The following MED13L variants were observed in gnomAD, a reference collection of about 807,000 sequenced individuals.
The protein encoded by MED13L is mediator complex subunit 13L.
MED13L carries 7 observed loss-of-function variants against 220.9 expected under a neutral mutation model. The ratio of observed to expected loss-of-function variants is 0.03; its 90% confidence interval spans 0.02 to 0.06. The LOEUF is 0.06. Ranked by LOEUF, MED13L falls within the 10% of genes least tolerant of loss-of-function variation. MED13L has a pLI of 1.00. For synonymous variants in MED13L, 1,011 were observed against 1,015.2 expected (o/e 1.00, Z 0.08); for missense variants, 1,965 against 2,760.5 (o/e 0.71, Z 6.46).
At chr12:116,029,864 C>T (rs1287729233) in intron 4 of MED13L, among the ~76,000 whole-genome samples, 1 of 152,114 alleles carries the variant, frequency 6.6e-6, no homozygotes, top group African/African-American at 2.4e-5. Context: ...TCCATGAATA[C>T]ATGGAAGAGC....
chr12:115,983,890 A>G (rs992448130), intron 20 of MED13L, among the ~76,000 whole-genome samples: 1 of 152,224 alleles, frequency 6.6e-6, no homozygotes, highest in African/African-American at 2.4e-5. Context: ...AGCTTCTAAG[A>G]TTCTCTTCAG....
intron 4 of MED13L, among the ~76,000 whole-genome samples, chr12:116,049,437 G>C (rs910312857): frequency 6.6e-6 from 1 of 152,072 alleles, no homozygotes; most frequent in African/African-American, 2.4e-5. Flanking sequence ...TTTTAATACT[G>C]AGTACACTTC....
chr12:115,994,057 T>C (rs1216781269), intron 16 of MED13L, among the ~76,000 whole-genome samples: 2 of 152,076 alleles, frequency 1.3e-5, no homozygotes, highest in Non-Finnish European at 2.9e-5. Context: ...TTAATTAACA[T>C]AAAACAATTC....
chr12:116,223,580 T>G (rs915037476), intron 2 of MED13L, among the ~76,000 whole-genome samples: 1 of 152,116 alleles, frequency 6.6e-6, no homozygotes, highest in Non-Finnish European at 1.5e-5. Context: ...GGTACGTGCC[T>G]GTAGTCCCAG....
At chr12:116,047,589 T>G (rs750743865) in intron 4 of MED13L, among the ~76,000 whole-genome samples, 10 of 152,042 alleles carry the variant, frequency 6.6e-5, no homozygotes, top group Non-Finnish European at 8.8e-5. Flanking sequence ...TTAAAGAAAA[T>G]AGATTAAGAT....
At chr12:115,986,616 C>A in intron 18 of MED13L, 127 bp from the exon 19 acceptor site, 2 of 902,106 alleles carry the variant, frequency 2.2e-6, no homozygotes, top group Non-Finnish European at 3.6e-6. Flanking sequence ...ACAAGACATT[C>A]TTAAAAGTAT....
chr12:116,275,844 G>A (rs1207679721), intron 1 of MED13L, among the ~76,000 whole-genome samples: 1 of 152,184 alleles, frequency 6.6e-6, no homozygotes, highest in Non-Finnish European at 1.5e-5. Context: ...TTCTACGCTT[G>A]AAACGTAATT....
At chr12:116,148,051 C>CAAAAAAAAAAAAAAAAAA (rs10678970) in intron 2 of MED13L, among the ~76,000 whole-genome samples, 10 of 18,138 alleles carry the variant, frequency 5.5e-4, no homozygotes, top group South Asian at 3.1e-3. Flanking sequence ...GACCCCATCT[C>CAAAAAAAAAAAAAAAAAA]AAAAAAAAAA....
At chr12:116,020,577 C>T (rs1880002593) in intron 5 of MED13L, among the ~76,000 whole-genome samples, 1 of 152,124 alleles carries the variant, frequency 6.6e-6, no homozygotes, top group South Asian at 2.1e-4. Flanking sequence ...TAATAGTTAT[C>T]GTTTCTGTTT....
At chr12:115,990,766 T>C (rs546333284) in intron 17 of MED13L, among the ~76,000 whole-genome samples, 78 of 152,264 alleles carry the variant, frequency 5.1e-4, no homozygotes, top group Admixed American at 2.0e-3. Context: ...GTTCCCAACA[T>C]AGACTGCTTA....
chr12:116,087,563 T>C (rs1197094826), intron 4 of MED13L, among the ~76,000 whole-genome samples: 2 of 152,202 alleles, frequency 1.3e-5, no homozygotes, highest in Admixed American at 6.5e-5. Context: ...TGATCACACT[T>C]TTCAAAGAAA....
Position 116,008,877 on chromosome 12 carries a change from C to G in MED13L, c.1536G>C (p.Gly512=). The G allele has an allele frequency of 6.2e-7, 1 of 1,614,116 alleles. No homozygotes were observed. The highest frequency in any genetic ancestry group is 1.1e-5 in the South Asian group (1 of 91,090). Residue 512 remains glycine (G), a synonymous_variant, in exon 10 of 31, where the codon GGG becomes GGC. Transcript: ENST00000281928. ...DTPGQKLGLA[G]IDSSLEVSSS... is the part of the protein sequence containing the mutation. ...TAGACACCTCTAAGGAGGAGTCTAT[C>G]CCTGCCAACCCTAGTTTCTGTCCTG...
At chr12:116,180,986 G>A (rs568741471) in intron 2 of MED13L, among the ~76,000 whole-genome samples, 11 of 148,118 alleles carry the variant, frequency 7.4e-5, no homozygotes, top group Non-Finnish European at 1.3e-4. Flanking sequence ...GCTGGAGTGC[G>A]GTGGCATGAT....
At chr12:115,989,581 G>C (rs761546050) in intron 17 of MED13L, among the ~76,000 whole-genome samples, 5 of 152,008 alleles carry the variant, frequency 3.3e-5, no homozygotes, top group Admixed American at 6.6e-5. Flanking sequence ...AAAGGCCCAA[G>C]AGTCTACTTG....
At position 116,173,977 on chromosome 12, in the gene MED13L, C is replaced by A. The variant is rs1879870192; in HGVS notation, c.311-62465G>T. On this transcript the variant is annotated intron_variant, in intron 2 of 30. Coordinates refer to ENST00000281928, the MANE Select transcript of MED13L (RefSeq NM_015335.5). ...AGCCCAGTGTGATAGCACTGTAGTC[C>A]CAACTACTTGGGAGGCTGAGGCAGG... Among the ~76,000 whole-genome samples, 3 of 152,082 alleles carry A rather than the reference C, an allele frequency of 2.0e-5. No individual in the cohort carries two copies. In the South Asian group the frequency reaches 6.2e-4, roughly 32 times the overall value.
chr12:115,985,248 A>T (rs962060394), intron 19 of MED13L, among the ~76,000 whole-genome samples: 2 of 152,212 alleles, frequency 1.3e-5, no homozygotes, highest in Admixed American at 6.5e-5. Flanking sequence ...AACTGCTTAC[A>T]CAAATTTTCT....
intron 4 of MED13L, among the ~76,000 whole-genome samples, chr12:116,049,140 T>C (rs1882007723): frequency 6.6e-6 from 1 of 152,216 alleles, no homozygotes; most frequent in Admixed American, 6.5e-5. Context: ...ATGTTACTAT[T>C]TTCAGTGGCA....
chr12:116,190,172 T>G (rs1881175052), intron 2 of MED13L, among the ~76,000 whole-genome samples: 1 of 152,216 alleles, frequency 6.6e-6, no homozygotes, highest in African/African-American at 2.4e-5. Flanking sequence ...CCATTAAGAA[T>G]AATCTTAGCT....
intron 4 of MED13L, among the ~76,000 whole-genome samples, chr12:116,050,066 C>T (rs149976236): frequency 1.3e-5 from 2 of 152,206 alleles, no homozygotes; most frequent in Admixed American, 1.3e-4. Flanking sequence ...CCCAATAACA[C>T]AAGGATTTTT....
Sources: gnomAD v4.1 joint callset for allele counts (sites outside exome capture counted in the v4.1 genomes callset) on GRCh38, gnomAD v4.1.1 for gene constraint, MANE v1.5 for transcripts, NCBI Gene and HGNC (gene_info 2026-07-23, HGNC 2026-07-21) for gene names.